GOLGA8M: variants seen among roughly 807,000 people sequenced by gnomAD.
The protein encoded by GOLGA8M is golgin A8 family member M.
GOLGA8M carries 34 observed loss-of-function variants against 87.7 expected under a neutral mutation model. The observed-to-expected ratio is 0.39, with a 90% CI of 0.29 to 0.52. The LOEUF (loss-of-function observed/expected upper bound fraction) is 0.52. Among genes scored for constraint, GOLGA8M ranks in the 20% least tolerant of loss-of-function variants. GOLGA8M has a pLI of 0.80. For synonymous variants in GOLGA8M, 138 were observed against 250.2 expected (o/e 0.55, Z 4.23); for missense variants, 396 against 682.2 (o/e 0.58, Z 4.67).
chr15:28,712,258 G>A lies in GOLGA8M; in HGVS notation c.48+18C>T, dbSNP rs1391903774. On this transcript the variant is annotated intron_variant, in intron 1 of 18. Transcript: ENST00000563027. The stretch of plus-strand genomic sequence containing the variant: ...ATCTGTGGCTGGGTTGAGGGGCTAT[G>A]ACCTAGTGCGTTTTTACCTTTTTCT... 7.3e-7 allele frequency: 1 copy of A among 1,366,826 alleles called. No individual in the cohort carries two copies. Among genetic ancestry groups the A allele is most frequent in the Non-Finnish European group, 1.0e-6 (1 of 996,622 alleles). 84.7% of individuals were successfully genotyped at this position (1,366,826 alleles called of 1,614,324 possible). A position where few individuals can be genotyped will look rare whatever the true frequency, so the allele number is the denominator to read the frequency against.
intron 8 of GOLGA8M, among the ~76,000 whole-genome samples, chr15:28,707,358 GTACACACACACACA>G: frequency 1.5e-5 from 2 of 132,086 alleles, no homozygotes; most frequent in East Asian, 4.0e-4. Context: ...ATCATAGTAT[GTACACACACACACA>G]CACACACACA....
At position 28,712,382 on chromosome 15, in the gene GOLGA8M, G is replaced by C; in HGVS notation, c.-59C>G. ...CAGCAGCAAAATCGCAATGAGAACC[G>C]ATCAAGGCCTCCAGTCACCTTCCAG... On this transcript the variant is annotated 5_prime_UTR_variant, in exon 1 of 19. The change creates a new upstream start codon in the 5' untranslated region. Transcript: ENST00000563027. 1.4e-6 allele frequency: 2 copies of C among 1,425,864 alleles called. No individual in the cohort carries two copies. Among genetic ancestry groups the C allele is most frequent in the Non-Finnish European group, 1.9e-6 (2 of 1,040,082 alleles). 88.3% of individuals were successfully genotyped at this position (1,425,864 alleles called of 1,614,324 possible).
intron 4 of GOLGA8M, among the ~76,000 whole-genome samples, chr15:28,708,709 A>G (rs542856920): frequency 7.2e-5 from 11 of 152,038 alleles, no homozygotes; most frequent in African/African-American, 2.7e-4. Flanking sequence ...GCAGCTTGTG[A>G]TTTAGAAAAG....
In GOLGA8M at chr15:28,700,539, T is replaced by A. The variant is rs1405749369; in HGVS notation, c.*1415A>T. Among the ~76,000 whole-genome samples the A allele has an allele frequency of 7.9e-6, 1 of 125,816 alleles. No homozygotes were observed. Among genetic ancestry groups the A allele is most frequent in the Non-Finnish European group, 1.6e-5 (1 of 61,520 alleles). The allele number at this position is 125,816 out of a possible 152,430, so 82.5% of individuals were successfully genotyped here. ...TATAGACACGTTTCCTGATAATACA[T>A]TGACATTCACGAACAGTAGATTGCA... On this transcript the variant is annotated 3_prime_UTR_variant, in exon 19 of 19. Coordinates refer to ENST00000563027, the MANE Select transcript of GOLGA8M (RefSeq NM_001282468.3).
rs1479512529 is a variant in GOLGA8M at position 28,700,793 on chromosome 15, C to T, written c.*1161G>A. 6.6e-6 allele frequency among the ~76,000 whole-genome samples: 1 copy of T among 151,852 alleles called. No individual in the cohort carries two copies. The highest frequency in any genetic ancestry group is 1.5e-5 in the Non-Finnish European group (1 of 68,014). On this transcript the variant is annotated 3_prime_UTR_variant, in exon 19 of 19. Coordinates refer to ENST00000563027, the MANE Select transcript of GOLGA8M (RefSeq NM_001282468.3). ...AAGAATAGGTATTAGCCAAAGAGGTCTAGATGGTAAAATCAATCTTCAAGC... is the reference window on the plus strand; with the variant it reads ...AAGAATAGGTATTAGCCAAAGAGGTTTAGATGGTAAAATCAATCTTCAAGC...
intron 5 of GOLGA8M, 62 bp from the exon 6 acceptor site, chr15:28,708,235 A>G: frequency 7.5e-7 from 1 of 1,330,656 alleles, no homozygotes; most frequent in Non-Finnish European, 1.1e-6. Flanking sequence ...AGCAAGAGAC[A>G]TGCCCCCAGA....
At chr15:28,705,092 C>G in intron 13 of GOLGA8M, 67 bp downstream of exon 13, 1 of 1,586,762 alleles carries the variant, frequency 6.3e-7, no homozygotes, top group Non-Finnish European at 8.5e-7. Flanking sequence ...GGTACCTCCC[C>G]TCCCCAGAGG....
rs188602524 is a variant in GOLGA8M at position 28,706,948 on chromosome 15, T to C, written c.592-249A>G. On this transcript the variant is annotated intron_variant, in intron 8 of 18. Coordinates refer to ENST00000563027, the MANE Select transcript of GOLGA8M (RefSeq NM_001282468.3). ...AATATTGCTATTGTTATTACTGTTA[T>C]TATTACCACTGTTTGAACCTTTGTG... Among the ~76,000 whole-genome samples the C allele has an allele frequency of 8.5e-4, 122 of 144,182 alleles. 4 individuals are homozygous for C. Among genetic ancestry groups the C allele is most frequent in the Non-Finnish European group, 1.2e-3 (84 of 67,770 alleles). 94.6% of individuals were successfully genotyped at this position (144,182 alleles called of 152,430 possible). A position where few individuals can be genotyped will look rare whatever the true frequency, so the allele number is the denominator to read the frequency against.
intron 13 of GOLGA8M, among the ~76,000 whole-genome samples, chr15:28,704,460 C>T (rs2079942728): frequency 6.7e-6 from 1 of 148,386 alleles, no homozygotes; most frequent in Non-Finnish European, 1.5e-5. Context: ...TCCGCAGCAC[C>T]TCTGTAAGGA....
intron 8 of GOLGA8M, among the ~76,000 whole-genome samples, chr15:28,706,904 A>T (rs1472180367): frequency 6.9e-6 from 1 of 144,198 alleles, no homozygotes; most frequent in African/African-American, 2.6e-5. Flanking sequence ...TGGCTAACAG[A>T]GGCCCAGAGA....
In GOLGA8M at chr15:28,712,034, G is replaced by A. The variant is rs140267546; in HGVS notation, c.48+242C>T. 348 of 985,088 alleles carry A rather than the reference G, an allele frequency of 3.5e-4. 2 individuals are homozygous for A. Among genetic ancestry groups the A allele is most frequent in the African/African-American group, 2.6e-3 (150 of 57,288 alleles). The allele number at this position is 985,088 out of a possible 1,614,324, so 61.0% of individuals were successfully genotyped here. A position where few individuals can be genotyped will look rare whatever the true frequency, so the allele number is the denominator to read the frequency against. ...CAGGAGATGAGGGCCCAGTAACGGA[G>A]CGGGAAGCCCCAGGAGTCACCCACC... is the stretch of plus-strand genomic sequence containing the variant. On this transcript the variant is annotated intron_variant, in intron 1 of 18. Transcript: ENST00000563027.
intron 13 of GOLGA8M, 70 bp downstream of exon 13, chr15:28,705,089 C>G (rs931605509): frequency 6.3e-6 from 10 of 1,584,008 alleles, no homozygotes; most frequent in Non-Finnish European, 6.8e-6. Flanking sequence ...CCTGGTACCT[C>G]CCCTCCCCAG....
intron 15 of GOLGA8M, chr15:28,703,100 C>A (rs1408992061): frequency 1.3e-5 from 9 of 674,726 alleles, no homozygotes; most frequent in African/African-American, 2.8e-5. Context: ...TAGGGGCATA[C>A]ACAGAACAAA....
Position 28,706,417 on chromosome 15 carries a change from C to T in GOLGA8M, c.768G>A (p.Met256Ile). Reference sequence around the variant, plus strand: ...ATCTCACCTCCTGCGACATTTTTCTCATCCTCTGCTGCCACCGGGCCCTCT... The same window carrying T: ...ATCTCACCTCCTGCGACATTTTTCTTATCCTCTGCTGCCACCGGGCCCTCT... ...KGERARWQQR[M>I]RKMSQEICTL... is the part of the protein sequence containing the mutation. Residue 256 changes from methionine to isoleucine, a missense_variant, in exon 10 of 19, where the codon ATG (methionine) becomes ATA (isoleucine). Met to Ile is a conservative substitution (Grantham distance 10). This residue lies in a region of GOLGA8M where 16 missense variants were observed against 19.8 expected (regional missense o/e 0.81). Coordinates refer to ENST00000563027, the MANE Select transcript of GOLGA8M (RefSeq NM_001282468.3). 1.5e-6 allele frequency: 1 copy of T among 669,814 alleles called. No individual in the cohort carries two copies. The highest frequency in any genetic ancestry group is 1.8e-5 in the South Asian group (1 of 54,938). 41.5% of individuals were successfully genotyped at this position (669,814 alleles called of 1,614,324 possible).
Position 28,699,994 on chromosome 15 carries a change from AG to A in GOLGA8M, c.*1959del, listed in dbSNP as rs1274871157. ...TTAATTAGCCGCATTATTTGGTCTA[AG>A]ATTTTTTCTTTATCATTCTGAAACT... On this transcript the variant is annotated 3_prime_UTR_variant, in exon 19 of 19. Coordinates refer to ENST00000563027, the MANE Select transcript of GOLGA8M (RefSeq NM_001282468.3). 3.3e-5 allele frequency among the ~76,000 whole-genome samples: 3 copies of A among 91,034 alleles called. No homozygotes were observed. The East Asian group carries it at 2.2e-3, about 66-fold the overall frequency. The allele number at this position is 91,034 out of a possible 152,430, so 59.7% of individuals were successfully genotyped here. A position where few individuals can be genotyped will look rare whatever the true frequency, so the allele number is the denominator to read the frequency against.
In GOLGA8M at chr15:28,698,974, T is replaced by C. The variant is rs937325465; in HGVS notation, c.*2980A>G. On this transcript the variant is annotated 3_prime_UTR_variant, in exon 19 of 19. Transcript: ENST00000563027. ...TTCTTTCTCTGCTTTTCGTTCCCAC[T>C]GTTTCTTTCTTTTATACTACAGTAT... Among the ~76,000 whole-genome samples the C allele has an allele frequency of 2.8e-5, 4 of 144,872 alleles. No homozygotes were observed. Among genetic ancestry groups the C allele is most frequent in the Non-Finnish European group, 5.9e-5 (4 of 67,340 alleles).
chr15:28,707,922 TTGAAGGA>T, intron 7 of GOLGA8M, 24 bp downstream of exon 7: 2 of 1,579,750 alleles, frequency 1.3e-6, no homozygotes, highest in Middle Eastern at 2.1e-4. Flanking sequence ...AAGTGCCAGG[TTGAAGGA>T]TGACAGGGTG....
At chr15:28,702,961 G>C (rs1274618915) in intron 15 of GOLGA8M, 3 of 974,004 alleles carry the variant, frequency 3.1e-6, no homozygotes, top group Non-Finnish European at 3.6e-6. Flanking sequence ...CGAGGCCACC[G>C]GGTGAGCCAG....
intron 11 of GOLGA8M, 57 bp from the exon 12 acceptor site, chr15:28,705,796 C>T (rs2080004844): frequency 6.4e-7 from 1 of 1,556,488 alleles, no homozygotes. Flanking sequence ...AAAAACCCTC[C>T]TCTTGGCGCA....
Sources: allele counts gnomAD v4.1 joint callset (sites outside exome capture counted in the v4.1 genomes callset), GRCh38; gene constraint gnomAD v4.1.1; regional missense constraint gnomAD v4.1.1; transcripts MANE v1.5; gene names NCBI Gene and HGNC (gene_info 2026-07-23, HGNC 2026-07-21).